The following RBFOX1 variants were observed in gnomAD, a reference collection of about 807,000 sequenced individuals.
RBFOX1 encodes the protein RNA binding fox-1 homolog 1.
Under a neutral mutation model 57.7 loss-of-function variants are expected in RBFOX1, and 8 were observed. That is an observed-to-expected ratio of 0.14 (90% CI 0.08 to 0.25). The LOEUF is 0.25. Among genes scored for constraint, RBFOX1 ranks in the 10% least tolerant of loss-of-function variants. RBFOX1 has a pLI of 1.00. For missense variants in RBFOX1, 611 were observed against 548.5 expected, an observed-to-expected ratio of 1.11 and a Z score of -1.14; for synonymous variants, 326 against 222.4, an observed-to-expected ratio of 1.47 and a Z score of -4.15.
intron 4 of RBFOX1, among the ~76,000 whole-genome samples, chr16:7,226,279 T>C (rs2093113463): frequency 6.6e-6 from 1 of 152,202 alleles, no homozygotes; most frequent in African/African-American, 2.4e-5. Context: ...ATCAGGCCTC[T>C]CATGAACTAC....
chr16:5,828,560 G>A (rs1262822724), intron 3 of RBFOX1, among the ~76,000 whole-genome samples: 2 of 152,100 alleles, frequency 1.3e-5, no homozygotes, highest in East Asian at 1.9e-4. Context: ...TTAGCTGGGC[G>A]TGGTGGTGCA....
intron 2 of RBFOX1, among the ~76,000 whole-genome samples, chr16:6,401,565 G>A (rs774273901): frequency 1.3e-5 from 2 of 152,022 alleles, no homozygotes; most frequent in Non-Finnish European, 2.9e-5. Context: ...GTGTTTAGCC[G>A]TATGCTTATA....
At position 7,011,048 on chromosome 16, in the gene RBFOX1, T is replaced by A. The variant is rs150465146; in HGVS notation, c.-15-41009T>A. Reference sequence around the variant, plus strand: ...TTTCAAGTCAATTTGTGGCCTTGCCTTTTAATTGAAAGCAAATTCATTTTT... The same window carrying A: ...TTTCAAGTCAATTTGTGGCCTTGCCATTTAATTGAAAGCAAATTCATTTTT... On this transcript the variant is annotated intron_variant, in intron 3 of 15. Coordinates refer to ENST00000550418, the MANE Select transcript of RBFOX1 (RefSeq NM_018723.4). 7.3e-4 allele frequency among the ~76,000 whole-genome samples: 110 copies of A among 150,920 alleles called. No homozygotes were observed. The East Asian group carries it at 0.013, about 19-fold the overall frequency.
intron 4 of RBFOX1, among the ~76,000 whole-genome samples, chr16:5,945,836 A>C (rs2059390354): frequency 6.6e-6 from 1 of 152,120 alleles, no homozygotes; most frequent in Non-Finnish European, 1.5e-5. Flanking sequence ...CTTCCTCCCT[A>C]GTGTGTGAGA....
At chr16:6,107,232 G>A (rs74004741) in intron 1 of RBFOX1, among the ~76,000 whole-genome samples, 8,527 of 151,998 alleles carry the variant, frequency 0.056, 453 homozygotes, top group East Asian at 0.25. Flanking sequence ...ATGGCCTGGT[G>A]ACCCCCTAGT....
At chr16:5,610,549 G>T (rs1349098173) in intron 3 of RBFOX1, 1 of 152,114 alleles carries the variant, frequency 6.6e-6, no homozygotes, top group African/African-American at 2.4e-5. Flanking sequence ...AAATTAGGCT[G>T]GGCACAGTGG....
chr16:5,841,647 T>C (rs193095472), intron 3 of RBFOX1, among the ~76,000 whole-genome samples: 28 of 152,350 alleles, frequency 1.8e-4, no homozygotes, highest in African/African-American at 6.0e-4. Flanking sequence ...TGTCTAGTCA[T>C]TGTTGATCTG....
intron 1 of RBFOX1, among the ~76,000 whole-genome samples, chr16:5,385,727 G>A (rs1416567323): frequency 1.3e-5 from 2 of 152,248 alleles, no homozygotes; most frequent in Non-Finnish European, 2.9e-5. Flanking sequence ...AAGTGAGCAG[G>A]GTCCCATTTA....
intron 4 of RBFOX1, among the ~76,000 whole-genome samples, chr16:7,340,265 C>T (rs905824600): frequency 6.6e-6 from 1 of 152,212 alleles, no homozygotes; most frequent in Non-Finnish European, 1.5e-5. Flanking sequence ...ACATTCAAAC[C>T]TGTGCTTTCT....
At chr16:6,837,285 A>C (rs562106525) in intron 3 of RBFOX1, among the ~76,000 whole-genome samples, 1 of 152,332 alleles carries the variant, frequency 6.6e-6, no homozygotes, top group East Asian at 1.9e-4. Flanking sequence ...CTGTTCCACG[A>C]GGTGGCTCAA....
At chr16:7,004,011 A>T (rs2093076775) in intron 3 of RBFOX1, 1 of 151,382 alleles carries the variant, frequency 6.6e-6, no homozygotes. Context: ...TTTTTATAAA[A>T]AAAGTAACGC....
At chr16:6,878,374 C>T (rs979682688) in intron 3 of RBFOX1, among the ~76,000 whole-genome samples, 1 of 152,150 alleles carries the variant, frequency 6.6e-6, no homozygotes, top group Non-Finnish European at 1.5e-5. Context: ...TCTTATCTCT[C>T]TGATATGGTG....
chr16:7,373,859 C>T (rs1596757096), intron 4 of RBFOX1, among the ~76,000 whole-genome samples: 1 of 152,190 alleles, frequency 6.6e-6, no homozygotes, highest in Non-Finnish European at 1.5e-5. Flanking sequence ...TGCTCAGCTT[C>T]TCGTGAGAGA....
At chr16:6,301,865 G>A (rs1345472560) in intron 1 of RBFOX1, among the ~76,000 whole-genome samples, 1 of 152,148 alleles carries the variant, frequency 6.6e-6, no homozygotes, top group Non-Finnish European at 1.5e-5. Context: ...CAGATATGCA[G>A]TATTTCATTT....
chr16:6,166,316 C>T (rs950010876), intron 1 of RBFOX1, among the ~76,000 whole-genome samples: 5 of 151,834 alleles, frequency 3.3e-5, no homozygotes, highest in African/African-American at 1.2e-4. Flanking sequence ...GGACCAAGCT[C>T]GCACACATCA....
intron 2 of RBFOX1, among the ~76,000 whole-genome samples, chr16:6,359,413 GTTGGTGATCTTCATTAC>G (rs1227295215): frequency 6.6e-6 from 1 of 152,110 alleles, no homozygotes; most frequent in African/African-American, 2.4e-5. Flanking sequence ...CTTTTTGACT[GTTGGTGATCTTCATTAC>G]TCGGTGAAGG....
intron 3 of RBFOX1, among the ~76,000 whole-genome samples, chr16:5,805,131 G>C (rs778413111): frequency 6.6e-6 from 1 of 152,116 alleles, no homozygotes; most frequent in Non-Finnish European, 1.5e-5. Context: ...TTTGGTCACA[G>C]GTCTTTGAGG....
chr16:5,665,057 C>T (rs751736267), intron 3 of RBFOX1, among the ~76,000 whole-genome samples: 4 of 150,436 alleles, frequency 2.7e-5, no homozygotes, highest in South Asian at 2.1e-4. Context: ...ATGATTTTCT[C>T]GTCCCAGGCT....
At chr16:5,937,602 A>T (rs1010006385) in intron 4 of RBFOX1, among the ~76,000 whole-genome samples, 1 of 150,702 alleles carries the variant, frequency 6.6e-6, no homozygotes, top group Non-Finnish European at 1.5e-5. Flanking sequence ...ATACAGTTTT[A>T]TATATATAGC....
Sources: allele counts gnomAD v4.1 joint callset (sites outside exome capture counted in the v4.1 genomes callset), GRCh38; gene constraint gnomAD v4.1.1; transcripts MANE v1.5; gene names NCBI Gene and HGNC (gene_info 2026-07-23, HGNC 2026-07-21).